TSKS: variants seen among roughly 807,000 people sequenced by gnomAD.
TSKS encodes testis-specific serine kinase substrate.
A neutral mutation model predicts 68.0 loss-of-function variants in TSKS; 27 were observed. The observed-to-expected ratio is 0.40, with a 90% CI of 0.29 to 0.55. TSKS has a LOEUF of 0.55. Among genes scored for constraint, TSKS ranks in the 20% least tolerant of loss-of-function variants. TSKS has a pLI of 0.53. For missense variants in TSKS, 806 were observed against 776.0 expected, an observed-to-expected ratio of 1.04 and a Z score of -0.46; for synonymous variants, 331 against 340.4, an observed-to-expected ratio of 0.97 and a Z score of 0.30.
chr19:49,739,844 C>T lies in TSKS; in HGVS notation c.1711G>A (p.Gly571Arg), dbSNP rs1278299574. 3 of 1,613,814 alleles carry T rather than the reference C, an allele frequency of 1.9e-6. No individual in the cohort carries two copies. The East Asian group carries it at 6.7e-5, about 36-fold the overall frequency. The change falls in exon 11 of 11, where the codon GGA (glycine) becomes AGA (arginine). Residue 571 changes from glycine to arginine, a missense_variant. Transcript: ENST00000246801. ...LSNLPLEGSTGTMGGGSSAGT... is the reference protein window; with the variant it reads ...LSNLPLEGSTRTMGGGSSAGT... ...GCACTGCTGCCTCCCCCCATTGTTC[C>T]CGTGGACCCCTCAAGTGGCAGGTTG...
intron 2 of TSKS, among the ~76,000 whole-genome samples, chr19:49,758,921 G>A (rs1173078675): frequency 6.6e-6 from 1 of 151,630 alleles, no homozygotes; most frequent in Non-Finnish European, 1.5e-5. Flanking sequence ...GCAATGGCAC[G>A]ATTTCGGTTC....
At chr19:49,757,890 CTTTT>C (rs745890038) in intron 2 of TSKS, among the ~76,000 whole-genome samples, 5 of 130,172 alleles carry the variant, frequency 3.8e-5, no homozygotes, top group Admixed American at 1.6e-4. Context: ...TCTCTGTCTT[CTTTT>C]TTTTTTTTTT....
In TSKS at chr19:49,739,780, T is replaced by A. The variant is rs2084235219; in HGVS notation, c.1775A>T (p.Gln592Leu). The A allele has an allele frequency of 2.2e-6, 3 of 1,392,706 alleles. No individual in the cohort carries two copies. The Admixed American group carries it at 5.6e-5, about 26-fold the overall frequency. 86.3% of individuals were successfully genotyped at this position (1,392,706 alleles called of 1,614,324 possible). A position where few individuals can be genotyped will look rare whatever the true frequency, so the allele number is the denominator to read the frequency against. The change falls in exon 11 of 11, where the codon CAA becomes CTA. Residue 592 changes from glutamine to leucine, a missense_variant. Coordinates refer to ENST00000246801, the MANE Select transcript of TSKS (RefSeq NM_021733.2). ...CATGCTAGCATGAGAGGCCATTTAT[T>A]GTTCAGGGGCTGAGCCCCCCTGTTT... ...PPKQGGSAPE[Q>L]
At position 49,747,485 on chromosome 19, in the gene TSKS, C is replaced by A. The variant is rs2084312853; in HGVS notation, c.580-13G>T. ...TCCAGCAGTTCTCCTGGGTCAGACA[C>A]CAGGGCGAGGGCCCTGCCTTCCCAT... is the stretch of plus-strand genomic sequence containing the variant. On this transcript the variant is annotated splice_polypyrimidine_tract_variant and intron_variant, in intron 4 of 10. Transcript: ENST00000246801. 6.2e-7 allele frequency: 1 copy of A among 1,613,918 alleles called. No individual in the cohort carries two copies. The highest frequency in any genetic ancestry group is 1.3e-5 in the African/African-American group (1 of 74,930).
intron 2 of TSKS, among the ~76,000 whole-genome samples, chr19:49,759,926 G>A (rs377707721): frequency 1.3e-5 from 2 of 151,318 alleles, no homozygotes. Context: ...GGCTGAGGTG[G>A]GCGGTCATCT....
chr19:49,746,583 C>A lies in TSKS; in HGVS notation c.879G>T (p.Ser293=). The change falls in exon 6 of 11, where the codon TCG becomes TCT. Residue 293 remains serine (S), a synonymous_variant. Transcript: ENST00000246801. ...CTGCGGGGACCAGGCCGTGTGGCCG[C>A]GAGGGTTTGTCGGGACTCCCTGGCG... ...PGPPGSPDKP[S]RPHGLVPAGW... The A allele has an allele frequency of 6.2e-7, 1 of 1,612,578 alleles. No homozygotes were observed. Among genetic ancestry groups the A allele is most frequent in the South Asian group, 1.1e-5 (1 of 91,024 alleles).
chr19:49,754,456 G>T (rs957670141), intron 2 of TSKS, among the ~76,000 whole-genome samples: 2 of 151,574 alleles, frequency 1.3e-5, no homozygotes, highest in Non-Finnish European at 2.9e-5. Flanking sequence ...CCAAGATCAT[G>T]CCGCTGCACT....
chr19:49,759,146 G>A (rs957796028), intron 2 of TSKS, among the ~76,000 whole-genome samples: 2 of 151,214 alleles, frequency 1.3e-5, no homozygotes, highest in South Asian at 2.1e-4. Flanking sequence ...CATGAGCCAC[G>A]AAGCCCGGCC....
chr19:49,753,594 T>TAATAATAATAAA (rs1195769677), intron 2 of TSKS, among the ~76,000 whole-genome samples: 10 of 136,922 alleles, frequency 7.3e-5, no homozygotes, highest in African/African-American at 2.5e-4. Flanking sequence ...ATAATAATAA[T>TAATAATAATAAA]AAAATAAAAT....
chr19:49,741,913 C>T lies in TSKS; in HGVS notation c.1469G>A (p.Ser490Asn). ...KQRGLTPACP[S>N]CQRLHKKILE... Reference sequence around the variant, plus strand: ...AATCTTCTTGTGTAGCCTCTGACAGCTGGGACAGGCAGGAGTCAGGCCCCT... The same window carrying T: ...AATCTTCTTGTGTAGCCTCTGACAGTTGGGACAGGCAGGAGTCAGGCCCCT... Residue 490 changes from serine (S) to asparagine (N), a missense_variant, in exon 9 of 11, where the codon AGC becomes AAC. Physicochemically the swap from Ser to Asn is conservative, Grantham distance 46. Coordinates refer to ENST00000246801, the MANE Select transcript of TSKS (RefSeq NM_021733.2). 6.2e-7 allele frequency: 1 copy of T among 1,614,228 alleles called. No homozygotes were observed. Among genetic ancestry groups the T allele is most frequent in the Non-Finnish European group, 8.5e-7 (1 of 1,180,044 alleles).
chr19:49,751,456 G>C (rs922684587), intron 2 of TSKS, among the ~76,000 whole-genome samples: 52 of 147,152 alleles, frequency 3.5e-4, no homozygotes, highest in South Asian at 1.7e-3. Flanking sequence ...TTCAAGAAAA[G>C]TGACTCTCGA....
intron 9 of TSKS, among the ~76,000 whole-genome samples, chr19:49,741,663 T>C (rs1179364371): frequency 5.3e-5 from 8 of 152,120 alleles, no homozygotes; most frequent in Admixed American, 6.6e-5. Context: ...CCCAAGTCCA[T>C]CTTCCGAGGT....
intron 2 of TSKS, among the ~76,000 whole-genome samples, chr19:49,761,412 T>G (rs1264961638): frequency 6.6e-6 from 1 of 152,176 alleles, no homozygotes; most frequent in Non-Finnish European, 1.5e-5. Flanking sequence ...TGCCCCAGAT[T>G]CTTAGCTGAC....
chr19:49,758,295 C>T (rs926856607), intron 2 of TSKS, among the ~76,000 whole-genome samples: 3 of 152,140 alleles, frequency 2.0e-5, no homozygotes, highest in Non-Finnish European at 4.4e-5. Context: ...GGTTCCAGCT[C>T]CTGCTGCCCC....
intron 2 of TSKS, among the ~76,000 whole-genome samples, chr19:49,753,596 A>ATAATAATAATAATAAT (rs1555789510): frequency 3.1e-5 from 4 of 127,586 alleles, no homozygotes; most frequent in African/African-American, 1.2e-4. Context: ...AATAATAATA[A>ATAATAATAATAATAAT]AATAAAATTA....
In TSKS at chr19:49,747,375, C is replaced by T. The variant is rs2084312006; in HGVS notation, c.663+14G>A. 6.2e-7 allele frequency: 1 copy of T among 1,614,032 alleles called. No homozygotes were observed. The highest frequency in any genetic ancestry group is 8.5e-7 in the Non-Finnish European group (1 of 1,180,032). ...CTCCTCCCACAAATCCTGGGACTGCCCCCTAGCCCTTACCTCCAGCAGGGC... is the reference window on the plus strand; with the variant it reads ...CTCCTCCCACAAATCCTGGGACTGCTCCCTAGCCCTTACCTCCAGCAGGGC... On this transcript the variant is annotated intron_variant, in intron 5 of 10. Coordinates refer to ENST00000246801, the MANE Select transcript of TSKS (RefSeq NM_021733.2).
In TSKS at chr19:49,746,733, C is replaced by T; in HGVS notation, c.729G>A (p.Leu243=). 1 of 1,600,464 alleles carries T rather than the reference C, an allele frequency of 6.2e-7. No individual in the cohort carries two copies. Among genetic ancestry groups the T allele is most frequent in the South Asian group, 1.1e-5 (1 of 90,918 alleles). Residue 243 remains leucine (L), a synonymous_variant, in exon 6 of 11, where the codon CTG becomes CTA. Transcript: ENST00000246801. ...DETPRRQEAE[L]QEPEEKQEPE... Reference sequence around the variant, plus strand: ...GCTCCTGCTTCTCCTCCGGCTCCTGCAGCTCGGCCTCCTGCCGTCGCGGCG... The same window carrying T: ...GCTCCTGCTTCTCCTCCGGCTCCTGTAGCTCGGCCTCCTGCCGTCGCGGCG...
intron 8 of TSKS, among the ~76,000 whole-genome samples, chr19:49,742,601 G>A (rs1482550214): frequency 1.3e-5 from 2 of 149,846 alleles, no homozygotes; most frequent in African/African-American, 4.9e-5. Flanking sequence ...TGAGTTCAGC[G>A]ATTCTCCTGC....
chr19:49,750,481 T>C (rs1178674536), intron 2 of TSKS, among the ~76,000 whole-genome samples: 1 of 152,002 alleles, frequency 6.6e-6, no homozygotes, highest in East Asian at 1.9e-4. Flanking sequence ...ATGGTCTTGA[T>C]CTCCTGACCT....
Sources: allele counts gnomAD v4.1 joint callset (sites outside exome capture counted in the v4.1 genomes callset), GRCh38; gene constraint gnomAD v4.1.1; transcripts MANE v1.5; gene names NCBI Gene and HGNC (gene_info 2026-07-23, HGNC 2026-07-21).